Variants in TENM2 observed in about 807,000 individuals in gnomAD.
TENM2 encodes the protein teneurin-2.
A neutral mutation model predicts 245.2 loss-of-function variants in TENM2; 52 were observed. The observed-to-expected ratio is 0.21, with a 90% confidence interval of 0.17 to 0.27. The LOEUF is 0.27. Ranked by LOEUF, TENM2 falls within the 10% of genes least tolerant of loss-of-function variation. The probability of loss-of-function intolerance (pLI) is 1.00; values close to 1 mark genes in which losing one functional copy is unlikely to be tolerated. For missense variants in TENM2, 3,046 were observed against 3,666.8 expected, an observed-to-expected ratio of 0.83 and a Z score of 4.37; for synonymous variants, 1,363 against 1,438.9, an observed-to-expected ratio of 0.95 and a Z score of 1.19.
At chr5:167,858,487 T>C (rs1000885098) in intron 2 of TENM2, among the ~76,000 whole-genome samples, 15 of 152,224 alleles carry the variant, frequency 9.9e-5, no homozygotes, top group African/African-American at 3.6e-4. Context: ...ATTTCTACCC[T>C]GGTTGGTAGT....
chr5:167,863,286 C>T (rs1235790116), intron 2 of TENM2, among the ~76,000 whole-genome samples: 1 of 152,172 alleles, frequency 6.6e-6, no homozygotes, highest in Non-Finnish European at 1.5e-5. Context: ...TATGGGCCCT[C>T]TTGTGACTGA....
intron 2 of TENM2, among the ~76,000 whole-genome samples, chr5:167,627,554 C>G (rs1778589430): frequency 7.2e-6 from 1 of 138,578 alleles, no homozygotes; most frequent in Middle Eastern, 4.2e-3. Flanking sequence ...TTTGTTTTGA[C>G]TCTACTTCTT....
At chr5:167,138,178 C>A in the TENM2 span, among the ~76,000 whole-genome samples, 1 of 152,158 alleles carries the variant, frequency 6.6e-6, no homozygotes, top group Non-Finnish European at 1.5e-5. Context: ...GTGTTTGCAT[C>A]TTTTTAGAAA....
At chr5:167,844,952 C>G (rs1315527329) in intron 2 of TENM2, among the ~76,000 whole-genome samples, 2 of 151,958 alleles carry the variant, frequency 1.3e-5, no homozygotes, top group African/African-American at 4.8e-5. Context: ...ATCCTCCTCC[C>G]TCTCTCCCTC....
chr5:167,967,603 T>A (rs1781475180), intron 4 of TENM2, among the ~76,000 whole-genome samples: 1 of 152,024 alleles, frequency 6.6e-6, no homozygotes, highest in South Asian at 2.1e-4. Flanking sequence ...CACAGCTAAG[T>A]CTCTAGGTAG....
chr5:167,901,520 C>A (rs530879169), intron 3 of TENM2, among the ~76,000 whole-genome samples: 2 of 152,266 alleles, frequency 1.3e-5, no homozygotes, highest in East Asian at 3.9e-4. Context: ...GGATTGGAAA[C>A]CAGACTCCAA....
chr5:167,596,364 C>G (rs1268648702), intron 2 of TENM2, among the ~76,000 whole-genome samples: 1 of 152,204 alleles, frequency 6.6e-6, no homozygotes, highest in Admixed American at 6.5e-5. Flanking sequence ...CTCCATCCTA[C>G]TGGACTGTCC....
At chr5:167,230,255 T>G in the TENM2 span, among the ~76,000 whole-genome samples, 1 of 152,136 alleles carries the variant, frequency 6.6e-6, no homozygotes, top group African/African-American at 2.4e-5. Flanking sequence ...CTGACTAGGA[T>G]TATAGGAGTC....
intron 4 of TENM2, among the ~76,000 whole-genome samples, chr5:167,984,120 A>T (rs768451200): frequency 2.5e-4 from 38 of 152,196 alleles, no homozygotes; most frequent in Non-Finnish European, 3.1e-4. Flanking sequence ...CTTGCCCAAG[A>T]TCACACAGTG....
the TENM2 span, among the ~76,000 whole-genome samples, chr5:167,105,509 C>T: frequency 6.6e-6 from 1 of 152,078 alleles, no homozygotes; most frequent in Non-Finnish European, 1.5e-5. Context: ...TTTTAGATTG[C>T]TGTTGGACAG....
At chr5:168,002,902 A>G (rs1251821898) in intron 5 of TENM2, among the ~76,000 whole-genome samples, 1 of 152,116 alleles carries the variant, frequency 6.6e-6, no homozygotes, top group Admixed American at 6.5e-5. Flanking sequence ...TATCCAGGAT[A>G]TTTTTACTTG....
intron 2 of TENM2, among the ~76,000 whole-genome samples, chr5:167,579,625 G>A (rs1774947115): frequency 6.6e-6 from 1 of 152,226 alleles, no homozygotes; most frequent in African/African-American, 2.4e-5. Context: ...GCAAGCCAGA[G>A]ATTTACTGAA....
the TENM2 span, among the ~76,000 whole-genome samples, chr5:167,276,352 T>TGTA: frequency 1.2e-4 from 4 of 34,194 alleles, no homozygotes; most frequent in Admixed American, 1.4e-3. Context: ...CCTGTTCATT[T>TGTA]TGTGTGTGTG....
At chr5:167,539,978 G>C (rs930823913) in intron 2 of TENM2, among the ~76,000 whole-genome samples, 2 of 152,122 alleles carry the variant, frequency 1.3e-5, no homozygotes, top group African/African-American at 4.8e-5. Context: ...ATCGCTCATG[G>C]GAGTTGTTGA....
intron 1 of TENM2, among the ~76,000 whole-genome samples, chr5:167,317,301 A>C (rs574632212): frequency 1.3e-5 from 2 of 152,126 alleles, no homozygotes; most frequent in African/African-American, 4.8e-5. Context: ...TTCATTTTTT[A>C]AAACCTTCCT....
intron 2 of TENM2, among the ~76,000 whole-genome samples, chr5:167,737,372 C>G (rs963428022): frequency 6.6e-6 from 1 of 152,120 alleles, no homozygotes; most frequent in Non-Finnish European, 1.5e-5. Flanking sequence ...AGTGCCTGCT[C>G]GAAAGAGCCA....
the TENM2 span, among the ~76,000 whole-genome samples, chr5:167,031,780 G>A: frequency 6.6e-6 from 1 of 152,238 alleles, no homozygotes; most frequent in East Asian, 1.9e-4. Context: ...AGTCGGGCTG[G>A]TCTCGAACTC....
chr5:167,095,046 C>T, the TENM2 span, among the ~76,000 whole-genome samples: 2 of 152,138 alleles, frequency 1.3e-5, no homozygotes, highest in Non-Finnish European at 2.9e-5. Context: ...ACATTATGTA[C>T]TCTAATTCAC....
At chr5:167,435,161 A>G (rs558674625) in intron 2 of TENM2, among the ~76,000 whole-genome samples, 2 of 151,552 alleles carry the variant, frequency 1.3e-5, no homozygotes, top group East Asian at 1.9e-4. Context: ...CATGGGGGGG[A>G]AAGGAATAAT....
Sources: allele counts gnomAD v4.1 joint callset (sites outside exome capture counted in the v4.1 genomes callset), GRCh38; gene constraint gnomAD v4.1.1; transcripts MANE v1.5; gene names NCBI Gene and HGNC (gene_info 2026-07-23, HGNC 2026-07-21).